The following SAMD12 variants were observed in gnomAD, a reference collection of about 807,000 sequenced individuals.
SAMD12 encodes sterile alpha motif domain-containing protein 12.
In SAMD12, 9 loss-of-function variants were observed where a neutral mutation model predicts 15.0. The ratio of observed to expected loss-of-function variants is 0.60; its 90% CI spans 0.36 to 1.05. The LOEUF is 1.05. SAMD12 is among the 50% of genes least tolerant of loss of function. The pLI is 0.01. For synonymous variants in SAMD12, 86 were observed against 90.1 expected, an observed-to-expected ratio of 0.96 and a Z score of 0.25; for missense variants, 230 against 234.2, an observed-to-expected ratio of 0.98 and a Z score of 0.12.
chr8:118,386,442 T>A (rs966696326), intron 3 of SAMD12, among the ~76,000 whole-genome samples: 1 of 152,132 alleles, frequency 6.6e-6, no homozygotes, highest in Non-Finnish European at 1.5e-5. Flanking sequence ...CCTGAGATAA[T>A]CTTCCCTTGT....
At chr8:118,529,261 C>T (rs891021683) in intron 2 of SAMD12, among the ~76,000 whole-genome samples, 2 of 152,180 alleles carry the variant, frequency 1.3e-5, no homozygotes, top group East Asian at 1.9e-4. Context: ...AACTTTTAGT[C>T]GCAATCAGGG....
intron 2 of SAMD12, among the ~76,000 whole-genome samples, chr8:118,523,526 T>G (rs1825449233): frequency 6.6e-6 from 1 of 152,106 alleles, no homozygotes; most frequent in African/African-American, 2.4e-5. Flanking sequence ...ATGGAATACT[T>G]TCCTCTCTCG....
chr8:118,145,967 C>T, the SAMD12 span, among the ~76,000 whole-genome samples: 1 of 152,228 alleles, frequency 6.6e-6, no homozygotes, highest in Non-Finnish European at 1.5e-5. Context: ...ATAGCCAGTT[C>T]TTTCTTGAAG....
intron 4 of SAMD12, among the ~76,000 whole-genome samples, chr8:118,253,615 C>T (rs994564435): frequency 6.6e-6 from 1 of 152,146 alleles, no homozygotes; most frequent in African/African-American, 2.4e-5. Flanking sequence ...GATGTTGCTG[C>T]TGCTAAGATG....
intron 3 of SAMD12, among the ~76,000 whole-genome samples, chr8:118,424,477 T>C (rs1301423836): frequency 6.6e-6 from 1 of 152,196 alleles, no homozygotes; most frequent in Admixed American, 6.5e-5. Context: ...ATGTATTCTA[T>C]TGCAGGTCAC....
At chr8:118,455,386 GT>G (rs1233817429) in intron 2 of SAMD12, among the ~76,000 whole-genome samples, 1 of 150,024 alleles carries the variant, frequency 6.7e-6, no homozygotes, top group Non-Finnish European at 1.5e-5. Flanking sequence ...TTTATTTTTA[GT>G]TTGGTAAAAT....
chr8:118,185,068 T>C (rs547660463), downstream of SAMD12, among the ~76,000 whole-genome samples: 3 of 152,258 alleles, frequency 2.0e-5, no homozygotes, highest in South Asian at 2.1e-4. Flanking sequence ...ATTGCTCTAA[T>C]TGTGGTCCGA....
At chr8:118,205,685 C>G (rs1473340606) in intron 4 of SAMD12, among the ~76,000 whole-genome samples, 1 of 152,222 alleles carries the variant, frequency 6.6e-6, no homozygotes, top group Non-Finnish European at 1.5e-5. Flanking sequence ...CCCACCCTCT[C>G]ACCCCTTGGT....
intron 4 of SAMD12, among the ~76,000 whole-genome samples, chr8:118,334,257 T>C (rs1816949959): frequency 6.6e-6 from 1 of 152,190 alleles, no homozygotes; most frequent in South Asian, 2.1e-4. Flanking sequence ...GGCCTGTGTC[T>C]GTCATTCCTA....
intron 3 of SAMD12, among the ~76,000 whole-genome samples, chr8:118,425,058 C>T (rs1238540517): frequency 6.6e-6 from 1 of 151,824 alleles, no homozygotes; most frequent in Non-Finnish European, 1.5e-5. Flanking sequence ...CCTGCCTCAG[C>T]CTCCTGAGTA....
intron 2 of SAMD12, among the ~76,000 whole-genome samples, chr8:118,576,885 G>A (rs1323973925): frequency 1.3e-5 from 2 of 152,184 alleles, no homozygotes; most frequent in East Asian, 3.8e-4. Context: ...AAAAGAAGCT[G>A]TGTACTTGGA....
At chr8:118,191,755 A>AGTATAT (rs1819379626) in exon 5 of SAMD12, 1 of 34,112 alleles carries the variant, frequency 2.9e-5, no homozygotes, top group Non-Finnish European at 6.4e-5. Context: ...AATACTGGAG[A>AGTATAT]TTATATATAT....
intron 2 of SAMD12, among the ~76,000 whole-genome samples, chr8:118,535,611 C>G (rs2051595116): frequency 6.6e-6 from 1 of 152,214 alleles, no homozygotes; most frequent in Non-Finnish European, 1.5e-5. Context: ...TCCAGCTTCC[C>G]AGCTGCTTTG....
chr8:118,260,111 T>C (rs1262788500), intron 4 of SAMD12, among the ~76,000 whole-genome samples: 1 of 152,072 alleles, frequency 6.6e-6, no homozygotes, highest in East Asian at 1.9e-4. Context: ...TTAAACATGG[T>C]GTGGTGGTTC....
chr8:118,355,932 T>C (rs73325637), intron 4 of SAMD12, among the ~76,000 whole-genome samples: 5,732 of 152,308 alleles, frequency 0.038, 356 homozygotes, highest in African/African-American at 0.13. Flanking sequence ...ATACCCTAAA[T>C]GATCCCCTCT....
intron 2 of SAMD12, among the ~76,000 whole-genome samples, chr8:118,566,841 C>T (rs886160168): frequency 1.3e-5 from 2 of 152,090 alleles, no homozygotes; most frequent in South Asian, 2.1e-4. Flanking sequence ...AAATCTGGAG[C>T]TTTTAAAAGA....
At chr8:118,359,618 C>A (rs1252661669) in intron 4 of SAMD12, among the ~76,000 whole-genome samples, 1 of 152,128 alleles carries the variant, frequency 6.6e-6, no homozygotes, top group Non-Finnish European at 1.5e-5. Flanking sequence ...GTGTTTGAAT[C>A]CTTGCTTCAT....
intron 2 of SAMD12, among the ~76,000 whole-genome samples, chr8:118,556,482 GACATGTT>G (rs1463992369): frequency 3.3e-5 from 5 of 152,300 alleles, no homozygotes; most frequent in Non-Finnish European, 7.4e-5. Context: ...ACTGGCAAAT[GACATGTT>G]ACATAAGTCC....
intron 2 of SAMD12, among the ~76,000 whole-genome samples, chr8:118,571,724 A>G (rs1827016288): frequency 6.6e-6 from 1 of 152,190 alleles, no homozygotes; most frequent in Non-Finnish European, 1.5e-5. Context: ...AGTACACAGG[A>G]GTCAAGAATT....
Sources: allele counts gnomAD v4.1 joint callset (sites outside exome capture counted in the v4.1 genomes callset), GRCh38; gene constraint gnomAD v4.1.1; transcripts MANE v1.5; gene names NCBI Gene and HGNC (gene_info 2026-07-23, HGNC 2026-07-21).